MAP3K5: variants seen among roughly 807,000 people sequenced by gnomAD.
The protein encoded by MAP3K5 is ASK-1.
In MAP3K5, 56 loss-of-function variants were observed where a neutral mutation model predicts 158.7. That is an observed-to-expected ratio of 0.35 (90% CI 0.28 to 0.44). MAP3K5 has a LOEUF of 0.44. MAP3K5 is among the 20% of genes least tolerant of loss of function. The pLI, the probability that MAP3K5 is intolerant of heterozygous loss-of-function variation, is 1.00. For synonymous variants in MAP3K5, 579 were observed against 601.7 expected, an observed-to-expected ratio of 0.96 and a Z score of 0.55; for missense variants, 1,294 against 1,674.8, an observed-to-expected ratio of 0.77 and a Z score of 3.97.
Position 136,622,836 on chromosome 6 carries a change from C to A in MAP3K5, c.2150+12G>T. The A allele has an allele frequency of 6.5e-7, 1 of 1,533,286 alleles. No individual in the cohort carries two copies. Among genetic ancestry groups the A allele is most frequent in the Non-Finnish European group, 8.9e-7 (1 of 1,127,438 alleles). 95.0% of individuals were successfully genotyped at this position (1,533,286 alleles called of 1,614,324 possible). The stretch of plus-strand genomic sequence containing the variant: ...ACTACAGAACAGCTTTTAGTAGCTA[C>A]AATTACTGTACCTGCTGTCTCTCTC... On this transcript the variant is annotated intron_variant, in intron 15 of 29. Transcript: ENST00000359015.
intron 17 of MAP3K5, among the ~76,000 whole-genome samples, chr6:136,612,893 T>A (rs1213070899): frequency 6.6e-6 from 1 of 152,168 alleles, no homozygotes; most frequent in African/African-American, 2.4e-5. Context: ...GGGAGCACAA[T>A]CTTGTTGGCT....
At chr6:136,664,440 A>AC (rs946384753) in intron 8 of MAP3K5, among the ~76,000 whole-genome samples, 1 of 151,580 alleles carries the variant, frequency 6.6e-6, no homozygotes, top group African/African-American at 2.4e-5. Flanking sequence ...TCCCTGAACC[A>AC]CCCCCCACCC....
chr6:136,781,332 G>C (rs1784604968), intron 1 of MAP3K5, among the ~76,000 whole-genome samples: 1 of 152,214 alleles, frequency 6.6e-6, no homozygotes, highest in African/African-American at 2.4e-5. Context: ...AGGTAAGTCA[G>C]TTTTCTGATT....
At chr6:136,619,019 C>A (rs1235304655) in intron 15 of MAP3K5, among the ~76,000 whole-genome samples, 1 of 152,146 alleles carries the variant, frequency 6.6e-6, no homozygotes, top group Non-Finnish European at 1.5e-5. Context: ...GTATACTGGG[C>A]AGTTCTGGGA....
At chr6:136,698,277 C>G (rs749350849) in intron 4 of MAP3K5, among the ~76,000 whole-genome samples, 1 of 152,122 alleles carries the variant, frequency 6.6e-6, no homozygotes, top group Non-Finnish European at 1.5e-5. Flanking sequence ...GGTTAGTAGA[C>G]TTTTTAATTT....
intron 11 of MAP3K5, among the ~76,000 whole-genome samples, chr6:136,647,218 T>C (rs1339899976): frequency 6.6e-6 from 1 of 152,196 alleles, no homozygotes; most frequent in Non-Finnish European, 1.5e-5. Context: ...CAAGACCAGA[T>C]CAGTCTTATA....
At chr6:136,607,144 T>A (rs1319586608) in intron 18 of MAP3K5, among the ~76,000 whole-genome samples, 1 of 152,222 alleles carries the variant, frequency 6.6e-6, no homozygotes, top group Non-Finnish European at 1.5e-5. Context: ...TAATTTTGTA[T>A]GATTTAAATA....
intron 8 of MAP3K5, 120 bp from the exon 9 acceptor site, chr6:136,659,498 A>G (rs1368379992): frequency 1.1e-6 from 1 of 919,078 alleles, no homozygotes; most frequent in African/African-American, 1.7e-5. Context: ...AGCTTTGTTA[A>G]GTTTCTGATT....
intron 28 of MAP3K5, among the ~76,000 whole-genome samples, chr6:136,559,088 C>T (rs898201818): frequency 3.3e-5 from 5 of 152,184 alleles, no homozygotes; most frequent in African/African-American, 9.6e-5. Context: ...CAGTGGCTCA[C>T]GCCTGTAACC....
chr6:136,562,674 T>TA, intron 26 of MAP3K5, 59 bp from the exon 27 acceptor site: 1 of 879,342 alleles, frequency 1.1e-6, no homozygotes, highest in Non-Finnish European at 1.8e-6. Flanking sequence ...TTCTTTTTTT[T>TA]ATTTTTATTT....
intron 2 of MAP3K5, among the ~76,000 whole-genome samples, chr6:136,716,675 G>A (rs1781543939): frequency 6.6e-6 from 1 of 152,122 alleles, no homozygotes; most frequent in Admixed American, 6.5e-5. Context: ...GACCCCAAGT[G>A]GAAGTATGAT....
chr6:136,686,532 T>C (rs915351176), intron 7 of MAP3K5, among the ~76,000 whole-genome samples: 11 of 152,132 alleles, frequency 7.2e-5, no homozygotes, highest in Admixed American at 3.3e-4. Flanking sequence ...CCCCATCGTC[T>C]CAGCCCAAAA....
chr6:136,606,412 A>T (rs959148721), intron 18 of MAP3K5, among the ~76,000 whole-genome samples: 1 of 152,162 alleles, frequency 6.6e-6, no homozygotes, highest in Non-Finnish European at 1.5e-5. Context: ...CCTGCATGGA[A>T]TCAGAGAGGT....
At chr6:136,650,475 T>C (rs1778470416) in intron 11 of MAP3K5, among the ~76,000 whole-genome samples, 1 of 152,218 alleles carries the variant, frequency 6.6e-6, no homozygotes. Flanking sequence ...TCAAAATAGG[T>C]GGTCGCACAG....
intron 1 of MAP3K5, among the ~76,000 whole-genome samples, chr6:136,757,837 G>A (rs945715443): frequency 2.0e-5 from 3 of 151,938 alleles, no homozygotes; most frequent in Non-Finnish European, 4.4e-5. Context: ...CACCTGCCTC[G>A]GCCTCCCAAA....
rs535432664 is a variant in MAP3K5 at position 136,777,225 on chromosome 6, C to T, written c.448+14485G>A. ...ACCCTGCTTTGCAATAATATACACA[C>T]GCTAAGAGATATATCAGTTTTTAAA... On this transcript the variant is annotated intron_variant, in intron 1 of 29. Transcript: ENST00000359015. Among the ~76,000 whole-genome samples the T allele has an allele frequency of 1.7e-3, 262 of 152,326 alleles. 1 individual carries two copies. The highest frequency in any genetic ancestry group is 6.0e-3 in the African/African-American group (250 of 41,580).
chr6:136,573,583 C>A (rs1774465466), intron 25 of MAP3K5, among the ~76,000 whole-genome samples: 1 of 152,148 alleles, frequency 6.6e-6, no homozygotes, highest in African/African-American at 2.4e-5. Flanking sequence ...TGGTAGTTTA[C>A]TCACTCACTA....
intron 7 of MAP3K5, among the ~76,000 whole-genome samples, chr6:136,678,343 TAAAAC>T (rs1157224156): frequency 3.3e-5 from 5 of 152,140 alleles, no homozygotes; most frequent in African/African-American, 1.2e-4. Context: ...ATCACTCTCA[TAAAAC>T]AAAAGACTAA....
At chr6:136,592,884 G>C (rs1222657686) in intron 21 of MAP3K5, 1 of 520,604 alleles carries the variant, frequency 1.9e-6, no homozygotes, top group Non-Finnish European at 3.7e-6. Context: ...AAGTTCAGTG[G>C]GTCTACTGAG....
Sources: gnomAD v4.1 joint callset for allele counts (sites outside exome capture counted in the v4.1 genomes callset) on GRCh38, gnomAD v4.1.1 for gene constraint, MANE v1.5 for transcripts, NCBI Gene and HGNC (gene_info 2026-07-23, HGNC 2026-07-21) for gene names.